PIH1D2: variants seen among roughly 807,000 people sequenced by gnomAD.
PIH1D2 encodes PIH1 domain containing 2.
A neutral mutation model predicts 31.2 loss-of-function variants in PIH1D2; 25 were observed. The ratio of observed to expected loss-of-function variants is 0.80; its 90% CI spans 0.58 to 1.12. The LOEUF is 1.12. PIH1D2 is among the 50% of genes most tolerant of loss of function. PIH1D2 has a pLI of 0.00. For synonymous variants in PIH1D2, 116 were observed against 119.9 expected (o/e 0.97, Z 0.21); for missense variants, 310 against 356.6 (o/e 0.87, Z 1.05).
At chr11:112,063,630 T>A (rs1189477544), downstream of PIH1D2, 8 of 152,278 alleles carry the variant, frequency 5.3e-5, no homozygotes, top group African/African-American at 1.9e-4. Flanking sequence ...TTCTGTGTCC[T>A]TCTACTCCAG....
downstream of PIH1D2, among the ~76,000 whole-genome samples, chr11:112,066,537 C>G (rs1183529186): frequency 6.0e-5 from 9 of 151,228 alleles, no homozygotes; most frequent in African/African-American, 1.9e-4. Context: ...ACTCGGGAGG[C>G]TGAGGCAGGA....
At chr11:112,067,685 A>AAAAAAAATATATATATATATAT, downstream of PIH1D2, 3 of 17,804 alleles carry the variant, frequency 1.7e-4, no homozygotes, top group African/African-American at 3.5e-4. Context: ...AAAAAAAAAA[A>AAAAAAAATATATATATATATAT]ATATATATAT....
chr11:112,071,879 G>A (rs587691800), intron 2 of PIH1D2, 121 bp from the exon 3 acceptor site: 62 of 1,030,118 alleles, frequency 6.0e-5, no homozygotes, highest in Non-Finnish European at 8.4e-5. Context: ...GATCACCTGA[G>A]GTCAGGAATT....
At chr11:112,056,387 T>C in the PIH1D2 span, among the ~76,000 whole-genome samples, 1 of 152,218 alleles carries the variant, frequency 6.6e-6, no homozygotes, top group Non-Finnish European at 1.5e-5. Flanking sequence ...TTATAGTGCT[T>C]GAGTCTATAG....
downstream of PIH1D2, chr11:112,061,278 T>A: frequency 8.1e-7 from 1 of 1,238,466 alleles, no homozygotes; most frequent in Non-Finnish European, 1.2e-6. Flanking sequence ...CCCTCAAATA[T>A]CGTGATCCAC....
At chr11:112,058,606 G>T, downstream of PIH1D2, among the ~76,000 whole-genome samples, 1 of 133,190 alleles carries the variant, frequency 7.5e-6, no homozygotes, top group Non-Finnish European at 1.6e-5. Context: ...ACTTCAGTTG[G>T]GGTGGGGGAA....
At chr11:112,064,342 G>A (rs73568058), downstream of PIH1D2, 5,646 of 795,808 alleles carry the variant, frequency 7.1e-3, 245 homozygotes, top group African/African-American at 0.087. Flanking sequence ...GTTAGAAATA[G>A]TGTTTTTGGT....
chr11:112,072,900 C>G, intron 2 of PIH1D2, 98 bp downstream of exon 2: 1 of 1,019,574 alleles, frequency 9.8e-7, no homozygotes, highest in Non-Finnish European at 1.3e-6. Context: ...AAAAAAAAAA[C>G]AAAAAAAATT....
chr11:112,072,549 CAAAAAAA>C (rs148760956), intron 2 of PIH1D2, among the ~76,000 whole-genome samples: 1 of 36,358 alleles, frequency 2.8e-5, no homozygotes, highest in Non-Finnish European at 4.4e-5. Context: ...GACCCTATCT[CAAAAAAA>C]AAAAAAAAAA....
chr11:112,071,335 G>A (rs782482770), intron 3 of PIH1D2, 52 bp from the exon 4 acceptor site: 22 of 1,539,402 alleles, frequency 1.4e-5, no homozygotes, highest in Non-Finnish European at 1.9e-5. Flanking sequence ...TTGCACTAAT[G>A]ATACTGTCAG....
chr11:112,054,271 GCACGCGC>G, the PIH1D2 span, among the ~76,000 whole-genome samples: 2 of 152,198 alleles, frequency 1.3e-5, no homozygotes, highest in East Asian at 3.9e-4. Context: ...AGCTGGGATT[GCACGCGC>G]CACTGCACTC....
downstream of PIH1D2, chr11:112,061,229 T>C: frequency 6.2e-7 from 1 of 1,603,472 alleles, no homozygotes; most frequent in Non-Finnish European, 8.5e-7. Context: ...CACTGTACAC[T>C]TGTCCTGTGG....
chr11:112,070,597 T>C lies in PIH1D2; in HGVS notation c.652A>G (p.Ile218Val). 1 of 1,614,184 alleles carries C rather than the reference T, an allele frequency of 6.2e-7. No homozygotes were observed. The highest frequency in any genetic ancestry group is 8.5e-7 in the Non-Finnish European group (1 of 1,180,024). Residue 218 changes from isoleucine to valine, a missense_variant, in exon 5 of 6, where the codon ATA (isoleucine) becomes GTA (valine). Ile to Val is a conservative substitution (Grantham distance 29). Coordinates refer to ENST00000280350, the MANE Select transcript of PIH1D2 (RefSeq NM_138789.4). The stretch of plus-strand genomic sequence containing the variant: ...ATTTCAGTACTGGAAATCTCTTCTA[T>C]CAGACACACTGCTTTGCCTGAAACT... ...DQVSGKAVCL[I>V]EEISSTEIQV...
At chr11:112,070,300 A>G in intron 5 of PIH1D2, 136 bp downstream of exon 5, 2 of 1,027,548 alleles carry the variant, frequency 1.9e-6, no homozygotes, top group East Asian at 2.6e-5. Context: ...ACATCTCAGA[A>G]GGGAATTGCT....
At chr11:112,060,074 T>C (rs368477013), downstream of PIH1D2, 142 of 1,612,638 alleles carry the variant, frequency 8.8e-5, no homozygotes, top group Non-Finnish European at 1.1e-4. Flanking sequence ...AGGTAGGGTA[T>C]TAATTATTGC....
At chr11:112,061,310 A>G (rs1864607021), downstream of PIH1D2, 7 of 846,062 alleles carry the variant, frequency 8.3e-6, no homozygotes, top group Non-Finnish European at 1.4e-5. Context: ...CCCTGATATG[A>G]TATGATGTAA....
Position 112,073,043 on chromosome 11 carries a change from G to T in PIH1D2, c.132C>A (p.Leu44=). The T allele has an allele frequency of 1.9e-6, 3 of 1,614,124 alleles. No individual in the cohort carries two copies. Among genetic ancestry groups the T allele is most frequent in the Non-Finnish European group, 2.5e-6 (3 of 1,180,020 alleles). Residue 44 remains leucine (L), a synonymous_variant, in exon 2 of 6, where the codon CTC becomes CTA. Transcript: ENST00000280350. ...AAAGCTGTGGTTCTGGGGCAGCACA[G>T]AGCTGTTTCCCTTCTTTCAGCTGCT... ...IQQQLKEGKQ[L]CAAPEPQLCL...
chr11:112,061,649 G>A (rs1438332449), downstream of PIH1D2: 2 of 166,964 alleles, frequency 1.2e-5, no homozygotes, highest in Non-Finnish European at 2.6e-5. Flanking sequence ...TGCCATCTCG[G>A]CTCACTGCAA....
rs535684466 is a variant in PIH1D2 at position 112,073,556 on chromosome 11, A to G, written c.-31-351T>C. Among the ~76,000 whole-genome samples the G allele has an allele frequency of 5.9e-4, 90 of 152,272 alleles. 1 individual carries two copies. The South Asian group carries it at 6.6e-3, about 11-fold the overall frequency. ...AGGTGTGGTGTGGGGTGAGGGCCAC[A>G]TAAGACTTCCTTAATCCTCAGTATA... is the stretch of plus-strand genomic sequence containing the variant. On this transcript the variant is annotated intron_variant, in intron 1 of 5. Coordinates refer to ENST00000280350, the MANE Select transcript of PIH1D2 (RefSeq NM_138789.4).
Sources: allele counts gnomAD v4.1 joint callset (sites outside exome capture counted in the v4.1 genomes callset), GRCh38; gene constraint gnomAD v4.1.1; transcripts MANE v1.5; gene names NCBI Gene and HGNC (gene_info 2026-07-23, HGNC 2026-07-21).